MAP4K3: variants seen among roughly 807,000 people sequenced by gnomAD.
MAP4K3 encodes the protein mitogen-activated protein kinase kinase kinase kinase 3.
In MAP4K3, 94 loss-of-function variants were observed where a neutral mutation model predicts 143.5. The ratio of observed to expected loss-of-function variants is 0.65; its 90% CI spans 0.55 to 0.78. The LOEUF (loss-of-function observed/expected upper bound fraction) is 0.78, where lower values mean the gene tolerates loss of function less well. Ranked by LOEUF, MAP4K3 falls within the 30% of genes least tolerant of loss-of-function variation. The pLI is 0.00. For synonymous variants in MAP4K3, 416 were observed against 347.2 expected (o/e 1.20, Z -2.20); for missense variants, 1,077 against 1,068.1 (o/e 1.01, Z -0.12).
chr2:39,253,809 T>G (rs1485094531), intron 32 of MAP4K3, among the ~76,000 whole-genome samples: 1 of 152,232 alleles, frequency 6.6e-6, no homozygotes, highest in African/African-American at 2.4e-5. Flanking sequence ...AGGGGGCAAG[T>G]GCCACATCTT....
chr2:39,283,686 G>GT (rs1326628720), intron 21 of MAP4K3: 1 of 152,258 alleles, frequency 6.6e-6, no homozygotes, highest in Admixed American at 6.5e-5. Context: ...GAGAAGAAAT[G>GT]TAACACATTT....
intron 22 of MAP4K3, among the ~76,000 whole-genome samples, chr2:39,281,986 A>G (rs1466116705): frequency 1.3e-5 from 2 of 152,032 alleles, no homozygotes; most frequent in Non-Finnish European, 2.9e-5. Context: ...CTGAGGTCAG[A>G]AGTTCAAGAC....
At chr2:39,329,805 T>C (rs1180388349) in intron 8 of MAP4K3, among the ~76,000 whole-genome samples, 1 of 152,098 alleles carries the variant, frequency 6.6e-6, no homozygotes, top group African/African-American at 2.4e-5. Flanking sequence ...CTTGACCAGT[T>C]CTAGAACATA....
intron 1 of MAP4K3, among the ~76,000 whole-genome samples, chr2:39,432,592 C>T (rs556149131): frequency 1.3e-5 from 2 of 152,188 alleles, no homozygotes; most frequent in Non-Finnish European, 2.9e-5. Flanking sequence ...TTAAGGTCTT[C>T]ATATTCCTTA....
At chr2:39,319,157 T>C (rs1272176769) in intron 12 of MAP4K3, among the ~76,000 whole-genome samples, 1 of 152,088 alleles carries the variant, frequency 6.6e-6, no homozygotes, top group African/African-American at 2.4e-5. Flanking sequence ...CAAATGCCAA[T>C]ACTTTCTGAA....
intron 1 of MAP4K3, among the ~76,000 whole-genome samples, chr2:39,435,629 ATTAT>A (rs1170103409): frequency 6.6e-6 from 1 of 152,238 alleles, no homozygotes. Flanking sequence ...AACGGCAATA[ATTAT>A]TTAAATGGCT....
intron 1 of MAP4K3, among the ~76,000 whole-genome samples, chr2:39,389,809 G>C (rs975029154): frequency 3.3e-5 from 5 of 152,140 alleles, no homozygotes; most frequent in African/African-American, 1.2e-4. Context: ...CAGAAAGAAA[G>C]TTTAAGATGC....
At chr2:39,377,257 G>A (rs1314203638) in intron 2 of MAP4K3, among the ~76,000 whole-genome samples, 2 of 133,286 alleles carry the variant, frequency 1.5e-5, no homozygotes, top group Non-Finnish European at 3.1e-5. Context: ...TCTCTGAATG[G>A]ATTTCTGTTC....
intron 1 of MAP4K3, among the ~76,000 whole-genome samples, chr2:39,413,344 A>C (rs1056633975): frequency 2.0e-5 from 3 of 152,190 alleles, no homozygotes; most frequent in African/African-American, 7.2e-5. Context: ...GGAGCTAGGA[A>C]CAGAACCACC....
At chr2:39,263,662 G>C (rs1680660764) in intron 28 of MAP4K3, among the ~76,000 whole-genome samples, 1 of 152,124 alleles carries the variant, frequency 6.6e-6, no homozygotes, top group Admixed American at 6.5e-5. Context: ...ATAGCTCAGA[G>C]AGTTTAAGAA....
intron 2 of MAP4K3, among the ~76,000 whole-genome samples, chr2:39,358,827 G>A (rs754736492): frequency 6.6e-6 from 1 of 152,136 alleles, no homozygotes; most frequent in Non-Finnish European, 1.5e-5. Flanking sequence ...GAGGGTAACT[G>A]CCCCCATGAT....
intron 1 of MAP4K3, among the ~76,000 whole-genome samples, chr2:39,430,458 G>C (rs1286215783): frequency 1.3e-5 from 2 of 151,302 alleles, no homozygotes; most frequent in African/African-American, 4.9e-5. Flanking sequence ...AACAAAAAAA[G>C]ACTAAAAAAA....
chr2:39,362,502 T>A (rs544634580), intron 2 of MAP4K3, among the ~76,000 whole-genome samples: 45 of 152,270 alleles, frequency 3.0e-4, no homozygotes, highest in African/African-American at 1.1e-3. Context: ...AGTAATAGAC[T>A]TAACCAAGGA....
At position 39,314,151 on chromosome 2, in the gene MAP4K3, ACCCAAGTAGCT is replaced by A. The variant is rs935923802; in HGVS notation, c.997+1148_997+1158del. On this transcript the variant is annotated intron_variant, in intron 13 of 33. Transcript: ENST00000263881. Reference sequence around the variant, plus strand: ...CTCAAGCAATTCTCATACCTCAGCCACCCAAGTAGCTGGGGTTACAGGTGCACATCAACATG... The same window carrying A: ...CTCAAGCAATTCTCATACCTCAGCCAGGGGTTACAGGTGCACATCAACATG... Among the ~76,000 whole-genome samples, 80 of 151,984 alleles carry A rather than the reference ACCCAAGTAGCT, an allele frequency of 5.3e-4. 1 individual carries two copies. The highest frequency in any genetic ancestry group is 2.1e-4 in the South Asian group (1 of 4,812).
intron 2 of MAP4K3, among the ~76,000 whole-genome samples, chr2:39,363,668 C>CAAAAAAAAA (rs34083007): frequency 2.4e-5 from 2 of 83,736 alleles, no homozygotes; most frequent in African/African-American, 4.8e-5. Context: ...GACTCTGTCT[C>CAAAAAAAAA]AAAAAAAAAA....
chr2:39,260,209 G>A (rs1046216918), intron 29 of MAP4K3, among the ~76,000 whole-genome samples: 1 of 152,128 alleles, frequency 6.6e-6, no homozygotes, highest in Admixed American at 6.5e-5. Flanking sequence ...GACCTCCTGG[G>A]CTCAAGTAAT....
At position 39,309,501 on chromosome 2, in the gene MAP4K3, T is replaced by C. The variant is rs765357435; in HGVS notation, c.1016A>G (p.Asp339Gly). 5.2e-6 allele frequency: 8 copies of C among 1,549,820 alleles called. No individual in the cohort carries two copies. Among genetic ancestry groups the C allele is most frequent in the Non-Finnish European group, 7.0e-6 (8 of 1,142,818 alleles). Residue 339 changes from aspartate (D) to glycine (G), a missense_variant, in exon 14 of 34, where the codon GAT (aspartate) becomes GGT (glycine). Physicochemically the swap from Asp to Gly is moderately conservative, Grantham distance 94 (BLOSUM62 -1). Transcript: ENST00000263881. ...TTCTGTCTCCTTTCTTAAGGGTGGA[T>C]CAAATTTCACTTGGCCAACTAAAAA... ...SEITFGQVKF[D>G]PPLRKETEPH...
rs1682432957 is a variant in MAP4K3, at chr2:39,299,782, C to A, written c.1139G>T (p.Gly380Val). The change falls in exon 16 of 34, where the codon GGA becomes GTA. Residue 380 changes from glycine (G) to valine (V), a missense_variant. This residue lies in a region of MAP4K3 where 864 missense variants were observed against 801.2 expected (regional missense o/e 1.08). Transcript: ENST00000263881. ...RSNLDLQLEYGQGHQGGYFLG... is the reference protein window; with the variant it reads ...RSNLDLQLEYVQGHQGGYFLG... The stretch of plus-strand genomic sequence containing the variant: ...AAAGTAACCACCTTGGTGTCCTTGT[C>A]CATATTCCAGTTGCAGATCCTAATA... 6.3e-7 allele frequency: 1 copy of A among 1,575,808 alleles called. No homozygotes were observed. Among genetic ancestry groups the A allele is most frequent in the Admixed American group, 1.8e-5 (1 of 54,484 alleles).
At chr2:39,431,054 G>A (rs1665268748) in intron 1 of MAP4K3, among the ~76,000 whole-genome samples, 1 of 152,156 alleles carries the variant, frequency 6.6e-6, no homozygotes, top group Non-Finnish European at 1.5e-5. Context: ...AATGAACAAA[G>A]CAAAATCACC....
Sources: allele counts gnomAD v4.1 joint callset (sites outside exome capture counted in the v4.1 genomes callset), GRCh38; gene constraint gnomAD v4.1.1; regional missense constraint gnomAD v4.1.1; transcripts MANE v1.5; gene names NCBI Gene and HGNC (gene_info 2026-07-23, HGNC 2026-07-21).